ALCAM: variants seen among roughly 807,000 people sequenced by gnomAD.
The protein encoded by ALCAM is CD166 antigen.
ALCAM carries 30 observed loss-of-function variants against 70.9 expected under a neutral mutation model. The observed-to-expected ratio is 0.42, with a 90% CI of 0.32 to 0.57. ALCAM has a LOEUF of 0.57. Among genes scored for constraint, ALCAM ranks in the 20% least tolerant of loss-of-function variants. The probability of loss-of-function intolerance (pLI) is 0.11; values close to 1 mark genes in which losing one functional copy is unlikely to be tolerated. For missense variants in ALCAM, 591 were observed against 695.1 expected (o/e 0.85, Z 1.68); for synonymous variants, 249 against 242.5 (o/e 1.03, Z -0.25).
At chr3:105,431,989 T>A (rs1403475542) in intron 1 of ALCAM, among the ~76,000 whole-genome samples, 1 of 152,144 alleles carries the variant, frequency 6.6e-6, no homozygotes, top group Non-Finnish European at 1.5e-5. Flanking sequence ...GCAGCAAAAC[T>A]TGAGCTGTAA....
At chr3:105,543,155 G>A (rs1043628874) in intron 8 of ALCAM, among the ~76,000 whole-genome samples, 8 of 151,692 alleles carry the variant, frequency 5.3e-5, no homozygotes, top group African/African-American at 1.9e-4. Flanking sequence ...GTCTCTAAAA[G>A]AAAAGGGCTC....
At chr3:105,443,144 T>C (rs1460385983) in intron 1 of ALCAM, among the ~76,000 whole-genome samples, 5 of 152,232 alleles carry the variant, frequency 3.3e-5, no homozygotes, top group Non-Finnish European at 1.5e-5. Context: ...GTTTCTATTT[T>C]GGGTGCACCC....
chr3:105,563,364 C>CT (rs1448160878), intron 14 of ALCAM, among the ~76,000 whole-genome samples: 1 of 9,900 alleles, frequency 1.0e-4, no homozygotes, highest in Non-Finnish European at 5.8e-3. Flanking sequence ...CCTCAAATAA[C>CT]TTTTTGCTTT....
intron 1 of ALCAM, among the ~76,000 whole-genome samples, chr3:105,429,522 G>A (rs976346000): frequency 2.6e-5 from 4 of 152,030 alleles, no homozygotes; most frequent in Non-Finnish European, 5.9e-5. Context: ...CTGAATAAAG[G>A]TTATAATTGT....
intron 3 of ALCAM, among the ~76,000 whole-genome samples, chr3:105,526,674 A>G (rs1939713639): frequency 6.6e-6 from 1 of 152,114 alleles, no homozygotes; most frequent in African/African-American, 2.4e-5. Flanking sequence ...GATAAAGACA[A>G]TGTTTACAAA....
intron 14 of ALCAM, among the ~76,000 whole-genome samples, chr3:105,555,910 C>A (rs1940505116): frequency 6.6e-6 from 1 of 151,782 alleles, no homozygotes. Flanking sequence ...ACTGAAGGTG[C>A]TTTGATGACG....
intron 1 of ALCAM, among the ~76,000 whole-genome samples, chr3:105,384,716 T>C (rs1373211246): frequency 1.3e-5 from 2 of 151,574 alleles, no homozygotes; most frequent in East Asian, 1.9e-4. Flanking sequence ...CCATGTAAAA[T>C]AGTACTTTAC....
chr3:105,508,921 T>A (rs1407956274), intron 1 of ALCAM, among the ~76,000 whole-genome samples: 1 of 152,158 alleles, frequency 6.6e-6, no homozygotes, highest in South Asian at 2.1e-4. Context: ...ACTCTCTGTT[T>A]CTGTGTATTT....
intron 1 of ALCAM, among the ~76,000 whole-genome samples, chr3:105,383,632 A>G (rs543257711): frequency 6.6e-6 from 1 of 151,742 alleles, no homozygotes; most frequent in Non-Finnish European, 1.5e-5. Flanking sequence ...TACCCATGCT[A>G]TGCAAATTGA....
At chr3:105,444,327 G>A (rs1326843924) in intron 1 of ALCAM, among the ~76,000 whole-genome samples, 5 of 152,146 alleles carry the variant, frequency 3.3e-5, no homozygotes, top group Non-Finnish European at 5.9e-5. Flanking sequence ...AAGGGAAGAC[G>A]CACATCTTAC....
chr3:105,532,180 T>C, intron 4 of ALCAM, 114 bp downstream of exon 4: 1 of 861,856 alleles, frequency 1.2e-6, no homozygotes, highest in Non-Finnish European at 1.9e-6. Context: ...GATGACAGTG[T>C]TGCAGCTACC....
intron 1 of ALCAM, among the ~76,000 whole-genome samples, chr3:105,375,224 T>G (rs554221233): frequency 6.6e-6 from 1 of 152,342 alleles, no homozygotes; most frequent in South Asian, 2.1e-4. Flanking sequence ...TTGGTATACC[T>G]AAGACTGTCC....
At chr3:105,523,658 T>C (rs1559820941) in intron 2 of ALCAM, among the ~76,000 whole-genome samples, 1 of 152,212 alleles carries the variant, frequency 6.6e-6, no homozygotes, top group Non-Finnish European at 1.5e-5. Context: ...GTGATGTTTT[T>C]GTATGAAAGA....
chr3:105,439,029 G>A (rs1937114602), intron 1 of ALCAM, among the ~76,000 whole-genome samples: 1 of 152,138 alleles, frequency 6.6e-6, no homozygotes, highest in South Asian at 2.1e-4. Context: ...ATAGGTGAAA[G>A]CATTTGCTCT....
At chr3:105,436,140 C>A (rs1340245997) in intron 1 of ALCAM, among the ~76,000 whole-genome samples, 1 of 152,152 alleles carries the variant, frequency 6.6e-6, no homozygotes, top group Non-Finnish European at 1.5e-5. Context: ...TCAATCATCT[C>A]CCACCAGGTC....
intron 1 of ALCAM, among the ~76,000 whole-genome samples, chr3:105,480,095 T>G (rs1938228426): frequency 6.6e-6 from 1 of 152,040 alleles, no homozygotes; most frequent in Admixed American, 6.6e-5. Context: ...AATTTAAAAG[T>G]TTATTCATTC....
intron 3 of ALCAM, among the ~76,000 whole-genome samples, chr3:105,527,695 C>T (rs1939739392): frequency 6.6e-6 from 1 of 152,032 alleles, no homozygotes; most frequent in Non-Finnish European, 1.5e-5. Context: ...TGGTGCTGCT[C>T]TGTGGTATTG....
At chr3:105,464,162 T>C (rs1340098175) in intron 1 of ALCAM, among the ~76,000 whole-genome samples, 1 of 151,370 alleles carries the variant, frequency 6.6e-6, no homozygotes, top group Admixed American at 6.6e-5. Flanking sequence ...TATTAGATAG[T>C]ATTGGTAAAA....
In ALCAM at chr3:105,409,900, C is replaced by T. The variant is rs1295870498; in HGVS notation, c.73+42419C>T. Among the ~76,000 whole-genome samples, 5 of 151,790 alleles carry T rather than the reference C, an allele frequency of 3.3e-5. No individual in the cohort carries two copies. The East Asian group carries it at 9.7e-4, about 29-fold the overall frequency. On this transcript the variant is annotated intron_variant, in intron 1 of 15. Transcript: ENST00000306107. The stretch of plus-strand genomic sequence containing the variant: ...AAGGTACAAAAATTTCCTATATATC[C>T]CCTTTTGCAACATGTGCATAGCCTT...
Sources: allele counts gnomAD v4.1 joint callset (sites outside exome capture counted in the v4.1 genomes callset), GRCh38; gene constraint gnomAD v4.1.1; transcripts MANE v1.5; gene names NCBI Gene and HGNC (gene_info 2026-07-23, HGNC 2026-07-21).